Variants in BMP6 observed in about 807,000 individuals in gnomAD.
BMP6 encodes VG-1-R.
Under a neutral mutation model 54.1 loss-of-function variants are expected in BMP6, and 17 were observed. The observed-to-expected ratio is 0.31, with a 90% confidence interval of 0.22 to 0.47. The LOEUF (loss-of-function observed/expected upper bound fraction) is 0.47, where lower values mean the gene tolerates loss of function less well. Among genes scored for constraint, BMP6 ranks in the 20% least tolerant of loss-of-function variants. The probability of loss-of-function intolerance (pLI) is 1.00; values close to 1 mark genes in which losing one functional copy is unlikely to be tolerated. For missense variants in BMP6, 720 were observed against 690.4 expected, an observed-to-expected ratio of 1.04 and a Z score of -0.48; for synonymous variants, 328 against 291.2, an observed-to-expected ratio of 1.13 and a Z score of -1.28.
At position 7,845,228 on chromosome 6, in the gene BMP6, G is replaced by A. The variant is rs1041422838; in HGVS notation, c.753G>A (p.Val251=). ...CCCAGATTCCTGAGGGTGAGGTGGT[G>A]ACGGCTGCAGAATTCCGCATCTACA... The part of the protein sequence containing the change: ...NLSQIPEGEV[V]TAAEFRIYKD... Residue 251 remains valine (V), a synonymous_variant, in exon 2 of 7, where the codon GTG becomes GTA. Coordinates refer to ENST00000283147, the MANE Select transcript of BMP6 (RefSeq NM_001718.6). 1.2e-6 allele frequency: 2 copies of A among 1,614,042 alleles called. No individual in the cohort carries two copies. Among genetic ancestry groups the A allele is most frequent in the African/African-American group, 1.3e-5 (1 of 74,934 alleles).
intron 4 of BMP6, among the ~76,000 whole-genome samples, chr6:7,867,776 T>C (rs898330263): frequency 2.0e-5 from 3 of 152,158 alleles, no homozygotes; most frequent in African/African-American, 7.2e-5. Flanking sequence ...GATCTAAAAG[T>C]TAGAATCACC....
intron 1 of BMP6, among the ~76,000 whole-genome samples, chr6:7,842,904 T>G (rs539981543): frequency 1.3e-5 from 2 of 152,376 alleles, no homozygotes; most frequent in South Asian, 4.1e-4. Flanking sequence ...CAGCGAATCT[T>G]AAAATATTAT....
Position 7,789,319 on chromosome 6 carries a change from C to T in BMP6, c.665-55821C>T, listed in dbSNP as rs566685488. Among the ~76,000 whole-genome samples, 47 of 152,274 alleles carry T rather than the reference C, an allele frequency of 3.1e-4. No individual in the cohort carries two copies. In the South Asian group the frequency reaches 5.2e-3, roughly 17 times the overall value. On this transcript the variant is annotated intron_variant, in intron 1 of 6. Coordinates refer to ENST00000283147, the MANE Select transcript of BMP6 (RefSeq NM_001718.6). Reference sequence around the variant, plus strand: ...GAAACTGAGGTTCTGGAAATGTAATCTACTTTTAAGAATCAACCACACCTG... The same window carrying T: ...GAAACTGAGGTTCTGGAAATGTAATTTACTTTTAAGAATCAACCACACCTG...
At position 7,813,108 on chromosome 6, in the gene BMP6, AATATATATATATATATATATATATAT is replaced by A. The variant is rs1182296124; in HGVS notation, c.665-32016_665-31991del. Among the ~76,000 whole-genome samples the A allele has an allele frequency of 9.3e-5, 2 of 21,484 alleles. 1 individual carries two copies. The highest frequency in any genetic ancestry group is 3.9e-4 in the African/African-American group (2 of 5,072). The allele number at this position is 21,484 out of a possible 152,430, so 14.1% of individuals were successfully genotyped here. ...CTACAAAAAAAAAAAAAAAAAAAAAAATATATATATATATATATATATATATATATATATATATATAAAATTAGTGG... is the reference window on the plus strand; with the variant it reads ...CTACAAAAAAAAAAAAAAAAAAAAAAATATATATATATATAAAATTAGTGG... On this transcript the variant is annotated intron_variant, in intron 1 of 6. Transcript: ENST00000283147.
chr6:7,727,748 G>A (rs1761769383), intron 1 of BMP6, 129 bp downstream of exon 1: 6 of 1,161,122 alleles, frequency 5.2e-6, no homozygotes, highest in Non-Finnish European at 5.6e-6. Context: ...AGAGAACGCG[G>A]GGACAGGCAG....
intron 1 of BMP6, among the ~76,000 whole-genome samples, chr6:7,766,527 A>C (rs1034361622): frequency 2.0e-5 from 3 of 152,236 alleles, no homozygotes; most frequent in African/African-American, 7.2e-5. Flanking sequence ...CTGAGGCAGG[A>C]GAATCACTTG....
In BMP6 at chr6:7,862,275, G is replaced by A. The variant is rs558954614; in HGVS notation, c.1007-26G>A. ...GGAACAAGTTTCTGTGGAATAAAGAGATGCATGCTTTGATTTGCATTAAAG... is the reference window on the plus strand; with the variant it reads ...GGAACAAGTTTCTGTGGAATAAAGAAATGCATGCTTTGATTTGCATTAAAG... On this transcript the variant is annotated intron_variant, in intron 3 of 6. Coordinates refer to ENST00000283147, the MANE Select transcript of BMP6 (RefSeq NM_001718.6). 534 of 1,612,766 alleles carry A rather than the reference G, an allele frequency of 3.3e-4. 3 individuals are homozygous for A. In the South Asian group the frequency reaches 4.7e-3, roughly 14 times the overall value.
intron 2 of BMP6, among the ~76,000 whole-genome samples, chr6:7,851,114 G>A (rs1759135530): frequency 2.6e-5 from 4 of 152,102 alleles, no homozygotes; most frequent in Admixed American, 2.6e-4. Context: ...ACATTCCCAT[G>A]TAAATTTTAA....
At chr6:7,727,725 C>A (rs1761768722) in intron 1 of BMP6, 106 bp downstream of exon 1, 14 of 1,287,696 alleles carry the variant, frequency 1.1e-5, no homozygotes, top group South Asian at 1.9e-5. Context: ...GCGCGGGTCC[C>A]GCCTGGTGCG....
chr6:7,785,681 G>A (rs1162256672), intron 1 of BMP6, among the ~76,000 whole-genome samples: 1 of 152,142 alleles, frequency 6.6e-6, no homozygotes, highest in Non-Finnish European at 1.5e-5. Context: ...GTGTCTTGCA[G>A]ACTTCTTTTG....
intron 1 of BMP6, among the ~76,000 whole-genome samples, chr6:7,810,890 G>A (rs1417134828): frequency 6.6e-6 from 1 of 152,172 alleles, no homozygotes; most frequent in African/African-American, 2.4e-5. Flanking sequence ...ACACGATCCT[G>A]TGGGTATGAC....
intron 1 of BMP6, among the ~76,000 whole-genome samples, chr6:7,820,664 A>C (rs1225955615): frequency 6.6e-6 from 1 of 152,134 alleles, no homozygotes; most frequent in Non-Finnish European, 1.5e-5. Flanking sequence ...CCCTGGGTGG[A>C]AGCCTGCAGC....
At chr6:7,829,419 G>C (rs1387146879) in intron 1 of BMP6, among the ~76,000 whole-genome samples, 1 of 152,108 alleles carries the variant, frequency 6.6e-6, no homozygotes, top group Non-Finnish European at 1.5e-5. Context: ...AAAGACTGCA[G>C]TTAGCCAGGC....
chr6:7,768,657 A>C (rs900327832), intron 1 of BMP6, among the ~76,000 whole-genome samples: 2 of 152,116 alleles, frequency 1.3e-5, no homozygotes, highest in African/African-American at 4.8e-5. Flanking sequence ...CTCTGAAAAA[A>C]AGTCGCTCCA....
chr6:7,853,256 T>C (rs1759173963), intron 2 of BMP6, among the ~76,000 whole-genome samples: 1 of 152,190 alleles, frequency 6.6e-6, no homozygotes, highest in African/African-American at 2.4e-5. Context: ...GTTTGATACA[T>C]CATGACCAGA....
rs998361626 is a variant in BMP6 at position 7,726,158 on chromosome 6, C to T, written c.-798C>T. On this transcript the variant is annotated 5_prime_UTR_variant, in exon 1 of 7. Coordinates refer to ENST00000283147, the MANE Select transcript of BMP6 (RefSeq NM_001718.6). ...CGTGGAGAGGCGGGAGACCGAATTCCGGCGCCGCCGCCGCGGCCGCTGCTC... is the reference window on the plus strand; with the variant it reads ...CGTGGAGAGGCGGGAGACCGAATTCTGGCGCCGCCGCCGCGGCCGCTGCTC... Among the ~76,000 whole-genome samples the T allele has an allele frequency of 2.0e-5, 3 of 152,204 alleles. No homozygotes were observed. In the South Asian group the frequency reaches 6.2e-4, roughly 31 times the overall value.
At chr6:7,751,914 G>T (rs1326306383) in intron 1 of BMP6, among the ~76,000 whole-genome samples, 1 of 152,190 alleles carries the variant, frequency 6.6e-6, no homozygotes, top group Non-Finnish European at 1.5e-5. Flanking sequence ...CCTTTGAATG[G>T]TGTATACATC....
intron 1 of BMP6, among the ~76,000 whole-genome samples, chr6:7,763,223 G>A (rs1757640368): frequency 6.6e-6 from 1 of 152,164 alleles, no homozygotes; most frequent in Non-Finnish European, 1.5e-5. Flanking sequence ...GCCAACCCCA[G>A]GGGAGGAATA....
intron 1 of BMP6, among the ~76,000 whole-genome samples, chr6:7,804,879 T>G (rs1758325818): frequency 8.0e-6 from 1 of 124,304 alleles, no homozygotes; most frequent in African/African-American, 3.2e-5. Context: ...TTCCAACGCT[T>G]TCTACAACTG....
Sources: gnomAD v4.1 joint callset for allele counts (sites outside exome capture counted in the v4.1 genomes callset) on GRCh38, gnomAD v4.1.1 for gene constraint, MANE v1.5 for transcripts, NCBI Gene and HGNC (gene_info 2026-07-23, HGNC 2026-07-21) for gene names.